Variants in WTAP observed in about 807,000 individuals in gnomAD.
WTAP encodes the protein WT1 associated protein, also known as pre-mRNA-splicing regulator WTAP.
WTAP carries 8 observed loss-of-function variants against 50.0 expected under a neutral mutation model. The observed-to-expected ratio is 0.16, with a 90% CI of 0.09 to 0.29. WTAP has a LOEUF of 0.29. Ranked by LOEUF, WTAP falls within the 10% of genes least tolerant of loss-of-function variation. The pLI is 1.00. For synonymous variants in WTAP, 194 were observed against 169.0 expected, an observed-to-expected ratio of 1.15 and a Z score of -1.15; for missense variants, 295 against 470.7, an observed-to-expected ratio of 0.63 and a Z score of 3.45.
intron 1 of WTAP, 84 bp downstream of exon 1, chr6:159,727,787 G>A (rs1583056034): frequency 1.1e-6 from 1 of 944,362 alleles, no homozygotes; most frequent in Non-Finnish European, 1.3e-6. Context: ...CGGCGGGTAA[G>A]GGGCGGGCAG....
At chr6:159,733,529 G>A (rs1234037192) in intron 1 of WTAP, among the ~76,000 whole-genome samples, 4 of 152,094 alleles carry the variant, frequency 2.6e-5, no homozygotes, top group African/African-American at 9.7e-5. Context: ...GGCTGAGGTG[G>A]GAGGATCACT....
rs1779296730 is a variant in WTAP at position 159,742,175 on chromosome 6, CTGAAT to C, written c.145+30_145+34del. ...AGTTTGAGTTTTAGCTTCCTAAAGA[CTGAAT>C]AATCTCCTTTTGATTGTTAAAATCA... On this transcript the variant is annotated intron_variant, in intron 4 of 7. Transcript: ENST00000621533. 8 of 1,524,314 alleles carry C rather than the reference CTGAAT, an allele frequency of 5.2e-6. No homozygotes were observed. The Admixed American group carries it at 1.6e-4, about 31-fold the overall frequency. 94.4% of individuals were successfully genotyped at this position (1,524,314 alleles called of 1,614,324 possible).
chr6:159,736,270 C>T lies in WTAP; in HGVS notation c.5C>T (p.Thr2Ile). 1 of 1,601,408 alleles carries T rather than the reference C, an allele frequency of 6.2e-7. No individual in the cohort carries two copies. Residue 2 changes from threonine to isoleucine, a missense_variant, in exon 2 of 8, where the codon ACC becomes ATC. Thr to Ile is a moderately conservative substitution (Grantham distance 89). This residue lies in a region of WTAP where 120 missense variants were observed against 287.6 expected (regional missense o/e 0.42). Transcript: ENST00000621533. ...CTTTTTTTTTTAGGATTCAAGATGA[C>T]CAACGAAGAACCTCTTCCCAAGAAG... is the stretch of plus-strand genomic sequence containing the variant. Reference protein sequence around the residue: MTNEEPLPKKVR... With the variant: MINEEPLPKKVR...
chr6:159,748,107 TC>T lies in WTAP; in HGVS notation c.274-83del. ...GGAGCTTAATGAAAGAGTTGGTAAA[TC>T]AAGTGAATGGAGGGAGTTTTCCCCA... On this transcript the variant is annotated intron_variant, in intron 5 of 7. Coordinates refer to ENST00000621533, the MANE Select transcript of WTAP (RefSeq NM_001270531.2). This position sits in a 1 kb window ranked among gnomAD's most constrained non-coding sequence, Gnocchi z 5.6. 1 of 1,489,570 alleles carries T rather than the reference TC, an allele frequency of 6.7e-7. No homozygotes were observed. Among genetic ancestry groups the T allele is most frequent in the Admixed American group, 2.2e-5 (1 of 46,302 alleles). 92.3% of individuals were successfully genotyped at this position (1,489,570 alleles called of 1,614,324 possible). A position where few individuals can be genotyped will look rare whatever the true frequency, so the allele number is the denominator to read the frequency against.
chr6:159,755,649 T>C lies in WTAP; in HGVS notation c.*38T>C. On this transcript the variant is annotated 3_prime_UTR_variant, in exon 8 of 8. Transcript: ENST00000621533. ...AAATTTTTATACAGTGTCATTTAATTTGGGAGAGGATACTGTCCAGAAAAT... is the reference window on the plus strand; with the variant it reads ...AAATTTTTATACAGTGTCATTTAATCTGGGAGAGGATACTGTCCAGAAAAT... The C allele has an allele frequency of 6.5e-7, 1 of 1,530,570 alleles. No homozygotes were observed. The highest frequency in any genetic ancestry group is 8.8e-7 in the Non-Finnish European group (1 of 1,141,562). The allele number at this position is 1,530,570 out of a possible 1,614,324, so 94.8% of individuals were successfully genotyped here.
In WTAP at chr6:159,727,607, C is replaced by T. The variant is rs1474439749; in HGVS notation, c.-105C>T. On this transcript the variant is annotated 5_prime_UTR_variant, in exon 1 of 8. Coordinates refer to ENST00000621533, the MANE Select transcript of WTAP (RefSeq NM_001270531.2). ...CGGCGGGGCCGGCGGCAGAGCTGTCCGGCTGCGCGGTGGCCCGGGGGGCCC... is the reference window on the plus strand; with the variant it reads ...CGGCGGGGCCGGCGGCAGAGCTGTCTGGCTGCGCGGTGGCCCGGGGGGCCC... 4 of 986,306 alleles carry T rather than the reference C, an allele frequency of 4.1e-6. No individual in the cohort carries two copies. Among genetic ancestry groups the T allele is most frequent in the Non-Finnish European group, 4.8e-6 (4 of 830,660 alleles). 61.1% of individuals were successfully genotyped at this position (986,306 alleles called of 1,614,324 possible). A position where few individuals can be genotyped will look rare whatever the true frequency, so the allele number is the denominator to read the frequency against.
chr6:159,748,802 A>G lies in WTAP; in HGVS notation c.452+433A>G. 8.1e-7 allele frequency: 1 copy of G among 1,232,624 alleles called. No individual in the cohort carries two copies. The allele number at this position is 1,232,624 out of a possible 1,614,324, so 76.4% of individuals were successfully genotyped here. On this transcript the variant is annotated intron_variant, in intron 6 of 7. Transcript: ENST00000621533. This position sits in a 1 kb window ranked among gnomAD's most constrained non-coding sequence, Gnocchi z 5.6. ...TGAATTGAACATGTAAAATTCCAGT[A>G]AAATGTAAAAACGGAATATGCATCG...
rs150344610 is a variant in WTAP at position 159,755,170 on chromosome 6, T to C, written c.750T>C (p.Ser250=). The change falls in exon 8 of 8, where the codon AGT becomes AGC. Residue 250 remains serine, a synonymous_variant. Transcript: ENST00000621533. ...AGCAGTCTCAGGCCTCTGCCCCAAG[T>C]ACCAGCAGGACTACAGCTTCTGAAC... ...QQQQSQASAP[S]TSRTTASEPV... 120 of 1,614,062 alleles carry C rather than the reference T, an allele frequency of 7.4e-5. No homozygotes were observed. The highest frequency in any genetic ancestry group is 9.7e-5 in the Non-Finnish European group (115 of 1,179,998).
intron 3 of WTAP, chr6:159,741,814 C>T: frequency 7.1e-6 from 2 of 282,870 alleles, no homozygotes; most frequent in South Asian, 3.8e-5. Context: ...GTAGTGAGAC[C>T]CCATCTCTAC....
chr6:159,736,270 C>G lies in WTAP; in HGVS notation c.5C>G (p.Thr2Ser). Reference protein sequence around the residue: MTNEEPLPKKVR... With the variant: MSNEEPLPKKVR... ...CTTTTTTTTTTAGGATTCAAGATGA[C>G]CAACGAAGAACCTCTTCCCAAGAAG... The change falls in exon 2 of 8, where the codon ACC (threonine) becomes AGC (serine). Residue 2 changes from threonine to serine, a missense_variant. Coordinates refer to ENST00000621533, the MANE Select transcript of WTAP (RefSeq NM_001270531.2). 6.2e-7 allele frequency: 1 copy of G among 1,601,408 alleles called. No individual in the cohort carries two copies. The highest frequency in any genetic ancestry group is 1.7e-5 in the Admixed American group (1 of 59,402).
intron 3 of WTAP, 130 bp from the exon 4 acceptor site, chr6:159,741,958 A>AG: frequency 1.4e-6 from 1 of 708,774 alleles, no homozygotes; most frequent in Non-Finnish European, 2.3e-6. Context: ...TCTAAAAAAA[A>AG]CTAGATTTAA....
intron 5 of WTAP, 91 bp downstream of exon 5, chr6:159,743,883 A>T: frequency 7.5e-7 from 1 of 1,332,322 alleles, no homozygotes; most frequent in Non-Finnish European, 9.9e-7. Context: ...TTTAATGCTA[A>T]ATATAAGAGC....
At chr6:159,732,886 A>AGTGTGTGTGTGTGT (rs67554039) in intron 1 of WTAP, among the ~76,000 whole-genome samples, 1,533 of 146,460 alleles carry the variant, frequency 0.01, 30 homozygotes, top group African/African-American at 0.027. Context: ...ATATATATAT[A>AGTGTGTGTGTGTGT]GTGTGTGTGT....
intron 7 of WTAP, among the ~76,000 whole-genome samples, chr6:159,754,706 G>A (rs1177770459): frequency 4.6e-5 from 7 of 152,076 alleles, no homozygotes; most frequent in African/African-American, 1.4e-4. Context: ...TTGTTTGGGG[G>A]ATAATGACAA....
At chr6:159,736,461 T>TA (rs2114897895) in intron 2 of WTAP, 166 bp downstream of exon 2, 1 of 547,240 alleles carries the variant, frequency 1.8e-6, no homozygotes, top group African/African-American at 1.9e-5. Context: ...GTGTGCCAGA[T>TA]ATTGTATCTT....
intron 2 of WTAP, 98 bp downstream of exon 2, chr6:159,736,393 T>C (rs1778917829): frequency 2.1e-6 from 2 of 960,874 alleles, no homozygotes; most frequent in Admixed American, 4.4e-5. Flanking sequence ...GGATTATCGT[T>C]GTTTGCTTAT....
chr6:159,731,883 C>A (rs562083731), intron 1 of WTAP, among the ~76,000 whole-genome samples: 1 of 152,220 alleles, frequency 6.6e-6, no homozygotes, highest in South Asian at 2.1e-4. Flanking sequence ...CCTTTTAATG[C>A]CCTTTAAAAA....
chr6:159,746,839 TG>T (rs1012482789), intron 5 of WTAP, among the ~76,000 whole-genome samples: 37 of 152,346 alleles, frequency 2.4e-4, no homozygotes, highest in African/African-American at 8.7e-4. Flanking sequence ...TATTCTAGTC[TG>T]ATTCACCTCT....
At position 159,748,142 on chromosome 6, in the gene WTAP, T is replaced by G. The variant is rs376294382; in HGVS notation, c.274-49T>G. The G allele has an allele frequency of 1.1e-5, 17 of 1,555,818 alleles. No homozygotes were observed. Among genetic ancestry groups the G allele is most frequent in the Admixed American group, 1.8e-5 (1 of 56,106 alleles). On this transcript the variant is annotated intron_variant, in intron 5 of 7. Transcript: ENST00000621533. This position sits in a 1 kb window ranked among gnomAD's most constrained non-coding sequence, Gnocchi z 5.6. ...GGAGGGAGTTTTCCCCACCTTCTTA[T>G]GTATGTTTCCTTTGATTTGGTCGTA... is the stretch of plus-strand genomic sequence containing the variant.
Sources: allele counts gnomAD v4.1 joint callset (sites outside exome capture counted in the v4.1 genomes callset), GRCh38; gene constraint gnomAD v4.1.1; regional missense constraint gnomAD v4.1.1; non-coding constraint Gnocchi (gnomAD v3.1); transcripts MANE v1.5; gene names NCBI Gene and HGNC (gene_info 2026-07-23, HGNC 2026-07-21).